Variants in CLOCK observed in about 807,000 individuals in gnomAD.
CLOCK encodes the protein clock circadian regulator, also known as circadian locomoter output cycles protein kaput.
CLOCK carries 43 observed loss-of-function variants against 118.4 expected under a neutral mutation model. The observed-to-expected ratio is 0.36, with a 90% CI of 0.28 to 0.47. The LOEUF (loss-of-function observed/expected upper bound fraction) is 0.47, where lower values mean the gene tolerates loss of function less well. Ranked by LOEUF, CLOCK falls within the 20% of genes least tolerant of loss-of-function variation. The pLI is 1.00. For synonymous variants in CLOCK, 326 were observed against 339.2 expected (o/e 0.96, Z 0.43); for missense variants, 846 against 999.9 (o/e 0.85, Z 2.08).
intron 22 of CLOCK, among the ~76,000 whole-genome samples, chr4:55,435,961 C>T (rs1307386426): frequency 2.6e-5 from 4 of 152,104 alleles, no homozygotes; most frequent in South Asian, 2.1e-4. Context: ...ACTCTGAGGC[C>T]AGACAGACAA....
intron 1 of CLOCK, among the ~76,000 whole-genome samples, chr4:55,544,975 G>A (rs969353502): frequency 6.6e-5 from 10 of 151,462 alleles, no homozygotes; most frequent in Admixed American, 6.6e-4. Context: ...TTAGTACGTA[G>A]AAAGCTTCCT....
chr4:55,491,056 C>T (rs1727640414), intron 2 of CLOCK, among the ~76,000 whole-genome samples: 1 of 151,912 alleles, frequency 6.6e-6, no homozygotes, highest in African/African-American at 2.4e-5. Flanking sequence ...AATTTAAACA[C>T]ACTGTTGAAT....
At chr4:55,518,532 A>G (rs1729659870) in intron 1 of CLOCK, among the ~76,000 whole-genome samples, 1 of 152,184 alleles carries the variant, frequency 6.6e-6, no homozygotes, top group Non-Finnish European at 1.5e-5. Context: ...CCCCTCCAAA[A>G]TTCTTATGTT....
chr4:55,442,556 G>T lies in CLOCK; in HGVS notation c.1981C>A (p.Leu661Met). The T allele has an allele frequency of 6.2e-7, 1 of 1,611,716 alleles. No homozygotes were observed. Among genetic ancestry groups the T allele is most frequent in the Non-Finnish European group, 8.5e-7 (1 of 1,179,652 alleles). ...SQTQSTLTAP[L>M]YNTMVISQPA... is the part of the protein sequence containing the mutation. Reference sequence around the variant, plus strand: ...TGAGAAATCACCATAGTGTTATACAGTGGGGCTGTAAGAGTGCTCTGTGTC... The same window carrying T: ...TGAGAAATCACCATAGTGTTATACATTGGGGCTGTAAGAGTGCTCTGTGTC... Residue 661 changes from leucine to methionine, a missense_variant, in exon 21 of 23, where the codon CTG (leucine) becomes ATG (methionine). Leu to Met is a conservative substitution (Grantham distance 15, BLOSUM62 2). This residue lies in a region of CLOCK where 520 missense variants were observed against 558.0 expected (regional missense o/e 0.93). Coordinates refer to ENST00000513440, the MANE Select transcript of CLOCK (RefSeq NM_004898.4).
intron 6 of CLOCK, among the ~76,000 whole-genome samples, chr4:55,476,418 C>T (rs1250180570): frequency 6.6e-6 from 1 of 152,020 alleles, no homozygotes; most frequent in African/African-American, 2.4e-5. Flanking sequence ...CCTTGCCATT[C>T]AAATAGCAAT....
At chr4:55,529,035 A>T (rs758445656) in intron 1 of CLOCK, among the ~76,000 whole-genome samples, 4 of 152,222 alleles carry the variant, frequency 2.6e-5, no homozygotes, top group Non-Finnish European at 5.9e-5. Flanking sequence ...AATCCAGGAA[A>T]CCAACAGCAG....
In CLOCK at chr4:55,432,299, C is replaced by T. The variant is rs1367724664; in HGVS notation, c.*3116G>A. On this transcript the variant is annotated 3_prime_UTR_variant, in exon 23 of 23. Coordinates refer to ENST00000513440, the MANE Select transcript of CLOCK (RefSeq NM_004898.4). Reference sequence around the variant, plus strand: ...AGCAACTTTATTAACCCTTCTAGTTCTCACTTGCATTTGTTAAACAATACT... The same window carrying T: ...AGCAACTTTATTAACCCTTCTAGTTTTCACTTGCATTTGTTAAACAATACT... 6.6e-6 allele frequency: 1 copy of T among 151,964 alleles called. No individual in the cohort carries two copies. The highest frequency in any genetic ancestry group is 1.5e-5 in the Non-Finnish European group (1 of 67,984). The allele number at this position is 151,964 out of a possible 1,614,324, so 9.4% of individuals were successfully genotyped here.
At chr4:55,527,164 C>T (rs13140173) in intron 1 of CLOCK, among the ~76,000 whole-genome samples, 46,132 of 151,700 alleles carry the variant, frequency 0.3, 7,623 homozygotes, top group East Asian at 0.59. Context: ...GACTTTACTG[C>T]GGTAATCATA....
intron 2 of CLOCK, among the ~76,000 whole-genome samples, chr4:55,491,809 T>C (rs565728283): frequency 4.3e-5 from 6 of 141,008 alleles, no homozygotes; most frequent in South Asian, 2.5e-4. Context: ...AGAGAGTACA[T>C]AGTTTTTTTA....
At chr4:55,507,917 A>G (rs1247618937) in intron 2 of CLOCK, among the ~76,000 whole-genome samples, 1 of 152,204 alleles carries the variant, frequency 6.6e-6, no homozygotes, top group Non-Finnish European at 1.5e-5. Context: ...TTAGCAAACC[A>G]CCAAGACTCC....
intron 19 of CLOCK, 89 bp from the exon 20 acceptor site, chr4:55,443,985 T>C (rs917972284): frequency 1.2e-5 from 14 of 1,216,994 alleles, no homozygotes; most frequent in Middle Eastern, 2.8e-4. Context: ...AGCTACAAAG[T>C]ATGTTTAAAA....
At chr4:55,461,998 T>C (rs1725375240) in intron 9 of CLOCK, among the ~76,000 whole-genome samples, 1 of 152,172 alleles carries the variant, frequency 6.6e-6, no homozygotes, top group Admixed American at 6.5e-5. Flanking sequence ...TTCTAAGCAA[T>C]TTTCTCTGTG....
chr4:55,435,224 C>T lies in CLOCK; in HGVS notation c.*191G>A. 3.1e-6 allele frequency: 2 copies of T among 643,196 alleles called. No individual in the cohort carries two copies. Among genetic ancestry groups the T allele is most frequent in the South Asian group, 3.7e-5 (2 of 53,462 alleles). The allele number at this position is 643,196 out of a possible 1,614,324, so 39.8% of individuals were successfully genotyped here. On this transcript the variant is annotated 3_prime_UTR_variant, in exon 23 of 23. Transcript: ENST00000513440. ...GCTATGCCCCTATGATCACCTCCTGCTGGCTGGTATTTAATGTACATCTGT... is the reference window on the plus strand; with the variant it reads ...GCTATGCCCCTATGATCACCTCCTGTTGGCTGGTATTTAATGTACATCTGT...
At chr4:55,538,359 TA>T (rs1314622944) in intron 1 of CLOCK, among the ~76,000 whole-genome samples, 2 of 152,096 alleles carry the variant, frequency 1.3e-5, no homozygotes, top group African/African-American at 2.4e-5. Flanking sequence ...TAAATAACTA[TA>T]ATTAGTATGT....
chr4:55,453,460 TAAAGC>T, intron 14 of CLOCK: 1 of 495,552 alleles, frequency 2.0e-6, no homozygotes, highest in Non-Finnish European at 3.5e-6. Context: ...ACTTCTGCTG[TAAAGC>T]ACAAAATTTA....
chr4:55,428,247 T>TGG lies in CLOCK; in HGVS notation c.*7166_*7167dup, dbSNP rs1433760166. 2 of 152,094 alleles carry TGG rather than the reference T, an allele frequency of 1.3e-5. No individual in the cohort carries two copies. The highest frequency in any genetic ancestry group is 6.5e-5 in the Admixed American group (1 of 15,270). 9.4% of individuals were successfully genotyped at this position (152,094 alleles called of 1,614,324 possible). ...ATGATTACACAGCAAGAGGCCTGAG[T>TGG]GGAGGTAGGCTAACAACACATTTTG... On this transcript the variant is annotated 3_prime_UTR_variant, in exon 23 of 23. Coordinates refer to ENST00000513440, the MANE Select transcript of CLOCK (RefSeq NM_004898.4).
At chr4:55,443,432 G>A (rs970259230) in intron 20 of CLOCK, among the ~76,000 whole-genome samples, 10 of 144,562 alleles carry the variant, frequency 6.9e-5, no homozygotes, top group Admixed American at 6.4e-4. Flanking sequence ...CTAAGGTCAC[G>A]CCATTGCACT....
chr4:55,488,052 A>C (rs1223359338), intron 3 of CLOCK, among the ~76,000 whole-genome samples: 2 of 152,058 alleles, frequency 1.3e-5, no homozygotes, highest in Non-Finnish European at 2.9e-5. Context: ...CCACCACTCC[A>C]CTCAAATTGC....
chr4:55,449,660 TA>T (rs2109746728), intron 16 of CLOCK, among the ~76,000 whole-genome samples, 164 bp from the exon 17 acceptor site: 1 of 152,254 alleles, frequency 6.6e-6, no homozygotes, highest in East Asian at 1.9e-4. Flanking sequence ...TAGTTACTTC[TA>T]TCTTTTTATG....
Sources: allele counts gnomAD v4.1 joint callset (sites outside exome capture counted in the v4.1 genomes callset), GRCh38; gene constraint gnomAD v4.1.1; regional missense constraint gnomAD v4.1.1; transcripts MANE v1.5; gene names NCBI Gene and HGNC (gene_info 2026-07-23, HGNC 2026-07-21).